Variants in NOL7 observed in about 807,000 individuals in gnomAD.
The protein encoded by NOL7 is nucleolar protein 7, also known as U3 small nucleolar RNA-associated protein NOL7.
In NOL7, 36 loss-of-function variants were observed where a neutral mutation model predicts 38.4. The observed-to-expected ratio is 0.94, with a 90% confidence interval of 0.72 to 1.24. NOL7 has a LOEUF of 1.24. NOL7 is among the 50% of genes most tolerant of loss of function. The probability of loss-of-function intolerance (pLI) is 0.00; values close to 1 mark genes in which losing one functional copy is unlikely to be tolerated. For synonymous variants in NOL7, 142 were observed against 126.5 expected (o/e 1.12, Z -0.82); for missense variants, 350 against 315.1 (o/e 1.11, Z -0.84).
At chr6:13,631,360 A>T (rs945223587) in intron 8 of NOL7, among the ~76,000 whole-genome samples, 1 of 152,174 alleles carries the variant, frequency 6.6e-6, no homozygotes, top group Non-Finnish European at 1.5e-5. Context: ...GTTATGTCCT[A>T]CACTTGTGCT....
chr6:13,615,993 A>G (rs1468641946), intron 2 of NOL7, among the ~76,000 whole-genome samples: 1 of 151,976 alleles, frequency 6.6e-6, no homozygotes, highest in East Asian at 2.0e-4. Context: ...CCGAGATCAC[A>G]CCACTGCGCT....
chr6:13,620,077 C>T (rs1764398263), intron 5 of NOL7, 131 bp from the exon 6 acceptor site: 1 of 983,642 alleles, frequency 1.0e-6, no homozygotes, highest in East Asian at 2.6e-5. Context: ...TTGCTTGAAC[C>T]TGGGAGGCAG....
intron 8 of NOL7, chr6:13,632,298 C>A: frequency 6.7e-7 from 1 of 1,487,170 alleles, no homozygotes; most frequent in Non-Finnish European, 9.2e-7. Flanking sequence ...TGGTACACTG[C>A]TCAGTGTTTC....
At chr6:13,622,663 A>C (rs1764483952), downstream of NOL7, among the ~76,000 whole-genome samples, 1 of 152,238 alleles carries the variant, frequency 6.6e-6, no homozygotes, top group African/African-American at 2.4e-5. Flanking sequence ...TGGACATACT[A>C]TTCTGACAAG....
In NOL7 at chr6:13,629,621, T is replaced by TG. The variant is rs545518590; in HGVS notation, n.574-2771dup. Among the ~76,000 whole-genome samples the TG allele has an allele frequency of 4.0e-3, 609 of 152,280 alleles. 2 individuals carry two copies. Among genetic ancestry groups the TG allele is most frequent in the Admixed American group, 7.8e-3 (119 of 15,300 alleles). On this transcript the variant is annotated intron_variant and non_coding_transcript_variant, in intron 8 of 8. Coordinates refer to the NOL7 transcript ENST00000474485. ...GCTACTTCAGTTACTAAAGGGTCCT[T>TG]GCAGGCTGGGGCTGTTCATTCATAC...
chr6:13,629,572 A>G (rs1764717264), intron 8 of NOL7, among the ~76,000 whole-genome samples: 1 of 152,196 alleles, frequency 6.6e-6, no homozygotes. Flanking sequence ...GTTTCTAAAT[A>G]GGGTGACTCT....
chr6:13,618,160 T>C, intron 5 of NOL7, 21 bp downstream of exon 5: 1 of 1,353,258 alleles, frequency 7.4e-7, no homozygotes, highest in Non-Finnish European at 1.0e-6. Context: ...TTTTGTTTCA[T>C]TTGGGATGTA....
At chr6:13,628,151 GA>G (rs1764674767) in intron 8 of NOL7, among the ~76,000 whole-genome samples, 1 of 152,160 alleles carries the variant, frequency 6.6e-6, no homozygotes, top group Non-Finnish European at 1.5e-5. Flanking sequence ...ATCATCTAGA[GA>G]AGCAAACTGA....
chr6:13,615,636 G>A lies in NOL7; in HGVS notation c.266+12G>A. 1.9e-6 allele frequency: 3 copies of A among 1,608,174 alleles called. No individual in the cohort carries two copies. The highest frequency in any genetic ancestry group is 2.5e-6 in the Non-Finnish European group (3 of 1,176,802). On this transcript the variant is annotated intron_variant, in intron 1 of 7. Transcript: ENST00000451315. ...GAGACCGTGCGCAGGTTCGGAGCCC[G>A]CTGCCCGGCGGGGAGAACCGCCCTT...
In NOL7 at chr6:13,620,775, C is replaced by T. The variant is rs771845437; in HGVS notation, c.722C>T (p.Ala241Val). The T allele has an allele frequency of 1.3e-5, 21 of 1,599,618 alleles. No homozygotes were observed. Among genetic ancestry groups the T allele is most frequent in the Non-Finnish European group, 1.8e-5 (21 of 1,173,746 alleles). ...NAWGIQKKQN[A>V]KRFKRRWMVR... ...CTAGGAATCCAAAAAAAACAAAATG[C>T]CAAGAGGTTTAAAAGACGGTGGATG... Residue 241 changes from alanine (A) to valine (V), a missense_variant, in exon 8 of 8, where the codon GCC (alanine) becomes GTC (valine). By Grantham distance (64) the Ala-to-Val change is moderately conservative. Transcript: ENST00000451315.
chr6:13,616,121 G>GT (rs766444133), intron 2 of NOL7, among the ~76,000 whole-genome samples: 2 of 152,220 alleles, frequency 1.3e-5, no homozygotes, highest in Non-Finnish European at 2.9e-5. Flanking sequence ...TTTGTAAACT[G>GT]TAAGGGCTGT....
At chr6:13,627,992 C>T (rs753701715) in intron 8 of NOL7, among the ~76,000 whole-genome samples, 5 of 152,142 alleles carry the variant, frequency 3.3e-5, no homozygotes, top group African/African-American at 7.2e-5. Flanking sequence ...AATACTACTA[C>T]ACTGCAGTGT....
downstream of NOL7, among the ~76,000 whole-genome samples, chr6:13,626,090 T>C (rs1354046999): frequency 6.6e-6 from 1 of 152,210 alleles, no homozygotes; most frequent in Admixed American, 6.5e-5. Context: ...TCAGATGTTT[T>C]ACTTCACAAT....
chr6:13,618,482 C>G (rs1376256999), intron 5 of NOL7, among the ~76,000 whole-genome samples: 1 of 151,932 alleles, frequency 6.6e-6, no homozygotes, highest in African/African-American at 2.4e-5. Context: ...CTCCTGACCT[C>G]ATGATCCACC....
downstream of NOL7, among the ~76,000 whole-genome samples, chr6:13,626,436 T>C (rs1489685267): frequency 1.3e-5 from 2 of 152,242 alleles, no homozygotes; most frequent in Non-Finnish European, 2.9e-5. Flanking sequence ...ACTGGCTGTG[T>C]AGCCTTTGGC....
chr6:13,626,019 G>GA (rs538890234), downstream of NOL7, among the ~76,000 whole-genome samples: 24 of 151,462 alleles, frequency 1.6e-4, no homozygotes, highest in Non-Finnish European at 3.1e-4. Flanking sequence ...CACAAAACAG[G>GA]AAAAAAAAAT....
chr6:13,615,646 G>T (rs372750570), intron 1 of NOL7, 22 bp downstream of exon 1: 5 of 1,611,126 alleles, frequency 3.1e-6, no homozygotes, highest in African/African-American at 1.3e-5. Flanking sequence ...GCTGCCCGGC[G>T]GGGAGAACCG....
At chr6:13,616,670 G>T in intron 3 of NOL7, 149 bp downstream of exon 3, 1 of 577,684 alleles carries the variant, frequency 1.7e-6, no homozygotes, top group East Asian at 3.0e-5. Context: ...TGGGAAAGAC[G>T]GAGGTAACGT....
chr6:13,619,925 G>A (rs1372733475), intron 5 of NOL7, among the ~76,000 whole-genome samples: 1 of 152,202 alleles, frequency 6.6e-6, no homozygotes, highest in African/African-American at 2.4e-5. Flanking sequence ...GGGAGGCCGA[G>A]GCTGGTGGAT....
Sources: gnomAD v4.1 joint callset for allele counts (sites outside exome capture counted in the v4.1 genomes callset) on GRCh38, gnomAD v4.1.1 for gene constraint, MANE v1.5 for transcripts, NCBI Gene and HGNC (gene_info 2026-07-23, HGNC 2026-07-21) for gene names.